Variants in MBD5 observed in about 807,000 individuals in gnomAD.
The protein encoded by MBD5 is methyl-CpG-binding domain protein 5.
In MBD5, 13 loss-of-function variants were observed where a neutral mutation model predicts 117.3. The ratio of observed to expected loss-of-function variants is 0.11; its 90% CI spans 0.07 to 0.18. The LOEUF (loss-of-function observed/expected upper bound fraction) is 0.18. Ranked by LOEUF, MBD5 falls within the 10% of genes least tolerant of loss-of-function variation. MBD5 has a pLI of 1.00. For synonymous variants in MBD5, 727 were observed against 766.4 expected (o/e 0.95, Z 0.85); for missense variants, 1,879 against 2,093.8 (o/e 0.90, Z 2.00).
intron 3 of MBD5, among the ~76,000 whole-genome samples, chr2:148,332,774 T>C (rs1270416365): frequency 6.6e-6 from 1 of 152,176 alleles, no homozygotes; most frequent in East Asian, 1.9e-4. Flanking sequence ...CCTATTTTCA[T>C]TCATTCAGCC....
intron 3 of MBD5, among the ~76,000 whole-genome samples, chr2:148,259,866 C>T (rs1378453402): frequency 6.6e-6 from 1 of 152,142 alleles, no homozygotes; most frequent in Non-Finnish European, 1.5e-5. Flanking sequence ...GACTGAAGCG[C>T]AGCCATTTCC....
intron 3 of MBD5, among the ~76,000 whole-genome samples, chr2:148,285,278 A>G (rs1161482997): frequency 2.6e-5 from 4 of 152,218 alleles, no homozygotes; most frequent in African/African-American, 4.8e-5. Context: ...TAACAGTTAT[A>G]TACCTTTGAC....
At position 148,469,119 on chromosome 2, in the gene MBD5, G is replaced by T; in HGVS notation, c.1176G>T (p.Met392Ile). ...ATGTCCACTCTCAGGTACCTATGAT[G>T]AATGTAAGCATGCCTCCTGCTGTTG... ...HSNVHSQVPM[M>I]NVSMPPAVVP... Residue 392 changes from methionine (M) to isoleucine (I), a missense_variant, in exon 8 of 14, where the codon ATG becomes ATT. Met to Ile is a conservative substitution (Grantham distance 10). Coordinates refer to ENST00000642680, the MANE Select transcript of MBD5 (RefSeq NM_001378120.1). 6.2e-7 allele frequency: 1 copy of T among 1,614,028 alleles called. No homozygotes were observed. The highest frequency in any genetic ancestry group is 8.5e-7 in the Non-Finnish European group (1 of 1,179,966).
intron 1 of MBD5, among the ~76,000 whole-genome samples, chr2:148,075,015 A>G (rs1320479413): frequency 1.3e-5 from 2 of 152,188 alleles, no homozygotes; most frequent in Non-Finnish European, 2.9e-5. Context: ...TTTTGAAGAC[A>G]TGAGGCATAC....
At chr2:148,237,956 A>G (rs1700125986) in intron 3 of MBD5, among the ~76,000 whole-genome samples, 1 of 152,158 alleles carries the variant, frequency 6.6e-6, no homozygotes, top group South Asian at 2.1e-4. Context: ...TAATAATAAT[A>G]TAACTGTGAG....
At chr2:148,454,857 C>T (rs1706835030) in intron 4 of MBD5, among the ~76,000 whole-genome samples, 1 of 151,894 alleles carries the variant, frequency 6.6e-6, no homozygotes, top group South Asian at 2.1e-4. Context: ...ATCAATGGTT[C>T]CATAGACATT....
At chr2:148,062,447 G>A (rs1244127487) in intron 1 of MBD5, 3 of 151,790 alleles carry the variant, frequency 2.0e-5, no homozygotes, top group African/African-American at 4.8e-5. Flanking sequence ...TTTAAAATGT[G>A]TGTAATTTTA....
intron 1 of MBD5, among the ~76,000 whole-genome samples, chr2:148,147,191 A>G (rs1697488361): frequency 6.6e-6 from 1 of 151,938 alleles, no homozygotes; most frequent in Non-Finnish European, 1.5e-5. Context: ...TTTTGCATAT[A>G]TCATAATTTG....
intron 2 of MBD5, among the ~76,000 whole-genome samples, chr2:148,205,365 C>T (rs1397365236): frequency 6.6e-6 from 1 of 152,164 alleles, no homozygotes; most frequent in Non-Finnish European, 1.5e-5. Flanking sequence ...GCTGGGATTA[C>T]AGGCGTGGAC....
chr2:148,362,820 C>T (rs1244620005), intron 4 of MBD5, among the ~76,000 whole-genome samples: 1 of 152,166 alleles, frequency 6.6e-6, no homozygotes, highest in Non-Finnish European at 1.5e-5. Flanking sequence ...GTTCTTCAGC[C>T]TTTGCTGGTG....
chr2:148,093,305 A>G (rs1414058124), intron 1 of MBD5, among the ~76,000 whole-genome samples: 1 of 152,218 alleles, frequency 6.6e-6, no homozygotes, highest in East Asian at 1.9e-4. Flanking sequence ...TATGTCATTA[A>G]TGCTGCTTTG....
chr2:148,502,858 A>G (rs1265946852), intron 12 of MBD5: 5 of 364,090 alleles, frequency 1.4e-5, no homozygotes, highest in Non-Finnish European at 2.0e-5. Flanking sequence ...TCCATTTGCA[A>G]TTCAAATACT....
At chr2:148,444,063 G>A (rs1706415328) in intron 4 of MBD5, among the ~76,000 whole-genome samples, 1 of 151,060 alleles carries the variant, frequency 6.6e-6, no homozygotes, top group African/African-American at 2.5e-5. Flanking sequence ...AAAATTTAAA[G>A]GATTAAATGA....
intron 3 of MBD5, among the ~76,000 whole-genome samples, chr2:148,325,633 G>T (rs569437939): frequency 2.0e-5 from 3 of 152,226 alleles, no homozygotes; most frequent in South Asian, 4.1e-4. Context: ...AGAGGTGTTT[G>T]TAGTATTCTC....
chr2:148,022,918 T>G (rs1393178555), intron 1 of MBD5, among the ~76,000 whole-genome samples: 1 of 152,220 alleles, frequency 6.6e-6, no homozygotes, highest in Non-Finnish European at 1.5e-5. Flanking sequence ...TGCTGTATTT[T>G]ATTTCACAAA....
rs142446446 is a variant in MBD5, at chr2:148,207,682, T to C, written c.-830-25563T>C. 8.8e-4 allele frequency among the ~76,000 whole-genome samples: 98 copies of C among 110,876 alleles called. 5 individuals are homozygous for C. In the East Asian group the frequency reaches 0.03, roughly 34 times the overall value. 72.7% of individuals were successfully genotyped at this position (110,876 alleles called of 152,430 possible). On this transcript the variant is annotated intron_variant, in intron 2 of 13. Coordinates refer to ENST00000642680, the MANE Select transcript of MBD5 (RefSeq NM_001378120.1). ...AAAGGGAGCCAGCTGAGAGAGATACTAGAAGTTAGGAAAAAAAAAAAAAAA... is the reference window on the plus strand; with the variant it reads ...AAAGGGAGCCAGCTGAGAGAGATACCAGAAGTTAGGAAAAAAAAAAAAAAA...
In MBD5 at chr2:148,470,033, C is replaced by A. The variant is rs1428081942; in HGVS notation, c.2090C>A (p.Pro697His). 6.2e-7 allele frequency: 1 copy of A among 1,613,690 alleles called. No homozygotes were observed. Among genetic ancestry groups the A allele is most frequent in the East Asian group, 2.2e-5 (1 of 44,870 alleles). ...AGGAAGCAGGGTCAGGGTTCATTTC[C>A]CATCAGTTCAATGTCTCAGTTACTA... The part of the protein sequence containing the change: ...LLRKQGQGSF[P>H]ISSMSQLLQS... Residue 697 changes from proline (P) to histidine (H), a missense_variant, in exon 8 of 14, where the codon CCC (proline) becomes CAC (histidine). Coordinates refer to ENST00000642680, the MANE Select transcript of MBD5 (RefSeq NM_001378120.1).
At chr2:148,440,922 T>C (rs972049271) in intron 4 of MBD5, among the ~76,000 whole-genome samples, 3 of 152,186 alleles carry the variant, frequency 2.0e-5, no homozygotes, top group Non-Finnish European at 2.9e-5. Context: ...CAAGAAAGTT[T>C]AGTGCAACAG....
chr2:148,149,784 GTTGT>G (rs1366543117), intron 1 of MBD5, among the ~76,000 whole-genome samples: 6 of 151,906 alleles, frequency 3.9e-5, no homozygotes, highest in Admixed American at 1.3e-4. Context: ...TTTTGATGGG[GTTGT>G]TTGTTTTTTT....
Sources: gnomAD v4.1 joint callset for allele counts (sites outside exome capture counted in the v4.1 genomes callset) on GRCh38, gnomAD v4.1.1 for gene constraint, MANE v1.5 for transcripts, NCBI Gene and HGNC (gene_info 2026-07-23, HGNC 2026-07-21) for gene names.